The following CFAP44 variants were observed in gnomAD, a reference collection of about 807,000 sequenced individuals.
The protein encoded by CFAP44 is cilia- and flagella-associated protein 44.
In CFAP44, 134 loss-of-function variants were observed where a neutral mutation model predicts 216.2. The ratio of observed to expected loss-of-function variants is 0.62; its 90% confidence interval spans 0.54 to 0.72. The LOEUF is 0.72. Ranked by LOEUF, CFAP44 falls within the 30% of genes least tolerant of loss-of-function variation. The pLI is 0.00. For missense variants in CFAP44, 2,035 were observed against 2,182.1 expected (o/e 0.93, Z 1.34); for synonymous variants, 700 against 727.6 (o/e 0.96, Z 0.61).
At position 113,287,529 on chromosome 3, in the gene CFAP44, C is replaced by T. The variant is rs187520552; in HGVS notation, c.*4028G>A. 1 of 152,958 alleles carries T rather than the reference C, an allele frequency of 6.5e-6. No individual in the cohort carries two copies. Among genetic ancestry groups the T allele is most frequent in the Admixed American group, 6.5e-5 (1 of 15,334 alleles). The allele number at this position is 152,958 out of a possible 1,614,324, so 9.5% of individuals were successfully genotyped here. A position where few individuals can be genotyped will look rare whatever the true frequency, so the allele number is the denominator to read the frequency against. Reference sequence around the variant, plus strand: ...AGTCTCTGAGTATTTGAAGAAAATACCCACTTACAATATTTTCAGGTCCAT... The same window carrying T: ...AGTCTCTGAGTATTTGAAGAAAATATCCACTTACAATATTTTCAGGTCCAT... On this transcript the variant is annotated 3_prime_UTR_variant, in exon 35 of 35. Coordinates refer to ENST00000393845, the MANE Select transcript of CFAP44 (RefSeq NM_001164496.2).
chr3:113,339,801 T>C (rs1950313994), intron 24 of CFAP44, among the ~76,000 whole-genome samples: 2 of 152,232 alleles, frequency 1.3e-5, no homozygotes, highest in African/African-American at 4.8e-5. Flanking sequence ...GGGCCATTCC[T>C]GTTAACTTTC....
chr3:113,353,499 A>AC (rs1398110288), intron 22 of CFAP44, among the ~76,000 whole-genome samples: 2 of 143,958 alleles, frequency 1.4e-5, no homozygotes, highest in East Asian at 2.3e-4. Flanking sequence ...CACACACACA[A>AC]AACTTATATA....
chr3:113,375,498 G>T (rs1324827530), intron 17 of CFAP44, among the ~76,000 whole-genome samples: 1 of 152,184 alleles, frequency 6.6e-6, no homozygotes, highest in East Asian at 1.9e-4. Flanking sequence ...TACGGAACAT[G>T]AGAAGGATGT....
chr3:113,407,002 C>A lies in CFAP44; in HGVS notation c.930G>T (p.Leu310=), dbSNP rs1271849541. ...EMAFTFTGLK[L]QGSLGRFGKT... is the part of the protein sequence containing the mutation. ...TGCCAAATCGACCTAGTGATCCCTG[C>A]AGCTTGAGACCGGTGAACGTAAAAG... The change falls in exon 8 of 35, where the codon CTG becomes CTT. Residue 310 remains leucine, a synonymous_variant. Coordinates refer to ENST00000393845, the MANE Select transcript of CFAP44 (RefSeq NM_001164496.2). 3 of 1,614,030 alleles carry A rather than the reference C, an allele frequency of 1.9e-6. No individual in the cohort carries two copies. Among genetic ancestry groups the A allele is most frequent in the African/African-American group, 2.7e-5 (2 of 74,930 alleles).
intron 19 of CFAP44, among the ~76,000 whole-genome samples, chr3:113,364,898 G>A (rs1950573583): frequency 6.6e-6 from 1 of 151,970 alleles, no homozygotes; most frequent in Admixed American, 6.6e-5. Context: ...GACCAGTGCT[G>A]AGCTTAGTTG....
chr3:113,288,680 T>C lies in CFAP44; in HGVS notation c.*2877A>G, dbSNP rs1949799246. 1 of 152,204 alleles carries C rather than the reference T, an allele frequency of 6.6e-6. No individual in the cohort carries two copies. The highest frequency in any genetic ancestry group is 1.5e-5 in the Non-Finnish European group (1 of 68,040). 9.4% of individuals were successfully genotyped at this position (152,204 alleles called of 1,614,324 possible). A position where few individuals can be genotyped will look rare whatever the true frequency, so the allele number is the denominator to read the frequency against. ...AGTCTGGTGAACTTTTCTGAAGTGATAGGTGAAACATCTGCTTTCTGCACA... is the reference window on the plus strand; with the variant it reads ...AGTCTGGTGAACTTTTCTGAAGTGACAGGTGAAACATCTGCTTTCTGCACA... On this transcript the variant is annotated 3_prime_UTR_variant, in exon 35 of 35. Transcript: ENST00000393845.
At chr3:113,352,569 C>G (rs2107829478) in intron 22 of CFAP44, among the ~76,000 whole-genome samples, 1 of 152,136 alleles carries the variant, frequency 6.6e-6, no homozygotes, top group Admixed American at 6.5e-5. Flanking sequence ...AAAATATGAA[C>G]AAAGTTTAAG....
chr3:113,375,752 T>C (rs1933324493), intron 17 of CFAP44, among the ~76,000 whole-genome samples: 2 of 152,078 alleles, frequency 1.3e-5, no homozygotes, highest in South Asian at 2.1e-4. Flanking sequence ...GCCTGGGAAG[T>C]AGAGGCTGTA....
In CFAP44 at chr3:113,288,375, A is replaced by T. The variant is rs1949795348; in HGVS notation, c.*3182T>A. The T allele has an allele frequency of 1.3e-5, 2 of 152,238 alleles. No individual in the cohort carries two copies. Among genetic ancestry groups the T allele is most frequent in the African/African-American group, 4.8e-5 (2 of 41,458 alleles). The allele number at this position is 152,238 out of a possible 1,614,324, so 9.4% of individuals were successfully genotyped here. The stretch of plus-strand genomic sequence containing the variant: ...ATGGTTTTCAGGAAAGCAGTATTTT[A>T]AAAATATTATTTAAAAGGAAGGACT... On this transcript the variant is annotated 3_prime_UTR_variant, in exon 35 of 35. Transcript: ENST00000393845.
At chr3:113,392,174 TAAAG>T (rs1214632274) in intron 15 of CFAP44, among the ~76,000 whole-genome samples, 1 of 152,004 alleles carries the variant, frequency 6.6e-6, no homozygotes, top group African/African-American at 2.4e-5. Flanking sequence ...GATGAATGGA[TAAAG>T]AAAATGTAGT....
At chr3:113,399,439 G>A (rs1934083753) in intron 13 of CFAP44, among the ~76,000 whole-genome samples, 1 of 144,538 alleles carries the variant, frequency 6.9e-6, no homozygotes, top group Non-Finnish European at 1.6e-5. Context: ...AACATAACAT[G>A]TACTTAACTT....
At position 113,366,308 on chromosome 3, in the gene CFAP44, T is replaced by C; in HGVS notation, c.2446A>G (p.Ile816Val). The part of the protein sequence containing the change: ...DNPIQTITFN[I>V]NKVMMFCGMK... ...CCACAAAACATCATAACTTTGTTAATGCTACGAAACAAAAAATGTAAATTG... is the reference window on the plus strand; with the variant it reads ...CCACAAAACATCATAACTTTGTTAACGCTACGAAACAAAAAATGTAAATTG... Residue 816 changes from isoleucine (I) to valine (V), a missense_variant and splice_region_variant, in exon 19 of 35, where the codon ATT becomes GTT. Physicochemically the swap from Ile to Val is conservative, Grantham distance 29. Around this residue, in one of 3 missense-constraint regions of CFAP44, gnomAD observed 1,883 missense variants for 2,023.7 expected, o/e 0.93. Coordinates refer to ENST00000393845, the MANE Select transcript of CFAP44 (RefSeq NM_001164496.2). 1.3e-6 allele frequency: 2 copies of C among 1,589,726 alleles called. No homozygotes were observed. The highest frequency in any genetic ancestry group is 1.1e-5 in the South Asian group (1 of 88,498).
Position 113,409,553 on chromosome 3 carries a change from G to A in CFAP44, c.674-231C>T, listed in dbSNP as rs149939657. On this transcript the variant is annotated intron_variant, in intron 6 of 34. Coordinates refer to ENST00000393845, the MANE Select transcript of CFAP44 (RefSeq NM_001164496.2). ...ACATATTGCATGAGAAAAACACTTT[G>A]AGAACATATTCCATTTTATGACTTG... is the stretch of plus-strand genomic sequence containing the variant. 3.8e-3 allele frequency among the ~76,000 whole-genome samples: 572 copies of A among 152,230 alleles called. 4 individuals are homozygous for A. Among genetic ancestry groups the A allele is most frequent in the African/African-American group, 0.013 (534 of 41,536 alleles).
In CFAP44 at chr3:113,341,770, T is replaced by C; in HGVS notation, c.3411A>G (p.Gln1137=). The C allele has an allele frequency of 6.7e-7, 1 of 1,502,230 alleles. No individual in the cohort carries two copies. Among genetic ancestry groups the C allele is most frequent in the Admixed American group, 2.4e-5 (1 of 40,888 alleles). 93.1% of individuals were successfully genotyped at this position (1,502,230 alleles called of 1,614,324 possible). A position where few individuals can be genotyped will look rare whatever the true frequency, so the allele number is the denominator to read the frequency against. ...LKAERAQLKI[Q]QRKKEWEELY... is the part of the protein sequence containing the mutation. ...GTTCCTCCCATTCTTTTTTTCGCTGTTGAATCTTTAGTTGTGCCCTTTCAG... is the reference window on the plus strand; with the variant it reads ...GTTCCTCCCATTCTTTTTTTCGCTGCTGAATCTTTAGTTGTGCCCTTTCAG... Residue 1137 remains glutamine, a synonymous_variant, in exon 24 of 35, where the codon CAA becomes CAG. Transcript: ENST00000393845.
At chr3:113,410,027 C>T (rs57115529) in intron 6 of CFAP44, among the ~76,000 whole-genome samples, 4,353 of 152,240 alleles carry the variant, frequency 0.029, 106 homozygotes, top group East Asian at 0.1. Context: ...CATGAATAAT[C>T]GACTCCTTGT....
At chr3:113,366,576 T>G (rs781782759) in intron 18 of CFAP44, among the ~76,000 whole-genome samples, 2 of 152,028 alleles carry the variant, frequency 1.3e-5, no homozygotes, top group African/African-American at 2.4e-5. Context: ...AAGAAGAAGA[T>G]ATCAAAGGGG....
At chr3:113,350,416 G>T (rs1283098180) in intron 22 of CFAP44, among the ~76,000 whole-genome samples, 1 of 152,022 alleles carries the variant, frequency 6.6e-6, no homozygotes, top group African/African-American at 2.4e-5. Context: ...CAAAGAGGGA[G>T]TCAGAAAGAG....
chr3:113,349,525 T>A (rs1950421666), intron 22 of CFAP44, among the ~76,000 whole-genome samples: 1 of 152,194 alleles, frequency 6.6e-6, no homozygotes, highest in Non-Finnish European at 1.5e-5. Flanking sequence ...CTGGTAGGGC[T>A]TGTTATCTGT....
At chr3:113,302,644 C>T (rs1229791719) in intron 32 of CFAP44, among the ~76,000 whole-genome samples, 1 of 150,642 alleles carries the variant, frequency 6.6e-6, no homozygotes, top group Non-Finnish European at 1.5e-5. Context: ...GCCTGTAATC[C>T]TAGCTACTCG....
Sources: gnomAD v4.1 joint callset for allele counts (sites outside exome capture counted in the v4.1 genomes callset) on GRCh38, gnomAD v4.1.1 for gene constraint, gnomAD v4.1.1 regional missense constraint, MANE v1.5 for transcripts, NCBI Gene and HGNC (gene_info 2026-07-23, HGNC 2026-07-21) for gene names.